The following RGPD3 variants were observed in gnomAD, a reference collection of about 807,000 sequenced individuals.
RGPD3 encodes the protein ranBP2-like and GRIP domain-containing protein 3.
RGPD3 carries 62 observed loss-of-function variants against 154.5 expected under a neutral mutation model. That is an observed-to-expected ratio of 0.40 (90% confidence interval 0.33 to 0.50). The LOEUF (loss-of-function observed/expected upper bound fraction) is 0.50. Ranked by LOEUF, RGPD3 falls within the 20% of genes least tolerant of loss-of-function variation. RGPD3 has a pLI of 0.59. For synonymous variants in RGPD3, 308 were observed against 607.0 expected (o/e 0.51, Z 7.24); for missense variants, 919 against 1,716.8 (o/e 0.54, Z 8.21).
chr2:106,470,827 T>C (rs1678794818), upstream of RGPD3: 1 of 1,604,574 alleles, frequency 6.2e-7, no homozygotes, highest in South Asian at 1.1e-5. Context: ...AGGAGTTTAC[T>C]AAGAGGCTTT....
At chr2:106,451,874 A>G (rs1678134396) in intron 6 of RGPD3, among the ~76,000 whole-genome samples, 2 of 151,818 alleles carry the variant, frequency 1.3e-5, no homozygotes, top group Non-Finnish European at 2.9e-5. Context: ...ACTCAAGATT[A>G]TACTATTATA....
chr2:106,460,270 C>A (rs1420906869), intron 1 of RGPD3, among the ~76,000 whole-genome samples: 3 of 148,492 alleles, frequency 2.0e-5, no homozygotes, highest in African/African-American at 5.0e-5. Context: ...ACTTAACAAA[C>A]AAAAGAAACC....
At position 106,413,164 on chromosome 2, in the gene RGPD3, C is replaced by T. The variant is rs1676725229; in HGVS notation, c.5186G>A (p.Arg1729Lys). 1 of 1,611,842 alleles carries T rather than the reference C, an allele frequency of 6.2e-7. No individual in the cohort carries two copies. Among genetic ancestry groups the T allele is most frequent in the East Asian group, 2.2e-5 (1 of 44,860 alleles). ...ATTTATAACAGGAAGAAGTCTCTCTCTTTCACTACCTGGCTTCAAGAAAAT... is the reference window on the plus strand; with the variant it reads ...ATTTATAACAGGAAGAAGTCTCTCTTTTTCACTACCTGGCTTCAAGAAAAT... ...QFIFLKPGSE[R>K]ERLLPVINTM... The change falls in exon 22 of 23, where the codon AGA becomes AAA. Residue 1729 changes from arginine (R) to lysine (K), a missense_variant. Coordinates refer to ENST00000409886, the MANE Select transcript of RGPD3 (RefSeq NM_001144013.2).
intron 18 of RGPD3, among the ~76,000 whole-genome samples, chr2:106,428,731 C>T (rs1179546439): frequency 1.3e-5 from 2 of 151,302 alleles, no homozygotes; most frequent in Admixed American, 6.6e-5. Context: ...TTTCAGAAGT[C>T]TGTCGTACAT....
chr2:106,443,013 C>T (rs1677801241), intron 7 of RGPD3, among the ~76,000 whole-genome samples: 2 of 151,054 alleles, frequency 1.3e-5, no homozygotes, highest in African/African-American at 4.9e-5. Context: ...AATGTCCTGG[C>T]TTTAGGACCC....
chr2:106,412,324 T>G, intron 22 of RGPD3, among the ~76,000 whole-genome samples: 1 of 113,440 alleles, frequency 8.8e-6, no homozygotes. Flanking sequence ...TTTTTTTTTT[T>G]TTTTTTTGAG....
At chr2:106,451,895 AT>A (rs1456567502) in intron 6 of RGPD3, among the ~76,000 whole-genome samples, 1 of 151,246 alleles carries the variant, frequency 6.6e-6, no homozygotes, top group Non-Finnish European at 1.5e-5. Flanking sequence ...AAAAAATAAA[AT>A]ATGAAATAGC....
rs778501837 is a variant in RGPD3, at chr2:106,415,831, C to T, written c.5064+19G>A. 8 of 1,611,488 alleles carry T rather than the reference C, an allele frequency of 5.0e-6. No homozygotes were observed. The highest frequency in any genetic ancestry group is 6.8e-6 in the Non-Finnish European group (8 of 1,179,812). On this transcript the variant is annotated intron_variant, in intron 21 of 22. Coordinates refer to ENST00000409886, the MANE Select transcript of RGPD3 (RefSeq NM_001144013.2). ...ACCAAACTGGCAGTTTTTATGGTGG[C>T]CAGGTTTTCTGATCTCACCTTAATT...
intron 1 of RGPD3, among the ~76,000 whole-genome samples, chr2:106,466,040 G>C (rs1018071410): frequency 1.3e-5 from 2 of 151,790 alleles, no homozygotes; most frequent in South Asian, 2.1e-4. Context: ...ATGTCCAGGA[G>C]ATGGGAAGAA....
intron 1 of RGPD3, among the ~76,000 whole-genome samples, chr2:106,467,092 C>T (rs1244812894): frequency 4.7e-4 from 52 of 111,742 alleles, no homozygotes; most frequent in African/African-American, 1.4e-3. Context: ...TCGAGGCCGC[C>T]GCAGGGCCAG....
chr2:106,448,391 T>C (rs1368778685), intron 6 of RGPD3, among the ~76,000 whole-genome samples: 4 of 152,080 alleles, frequency 2.6e-5, no homozygotes, highest in African/African-American at 4.8e-5. Flanking sequence ...ATTACAGGCA[T>C]GAGCCACTAT....
intron 1 of RGPD3, among the ~76,000 whole-genome samples, chr2:106,460,404 AAT>A (rs1678373505): frequency 6.6e-6 from 1 of 151,072 alleles, no homozygotes; most frequent in Non-Finnish European, 1.5e-5. Flanking sequence ...CCTGTGCCTC[AAT>A]AGTACATGTA....
In RGPD3 at chr2:106,441,449, C is replaced by T. The variant is rs897160936; in HGVS notation, c.979-69G>A. 4 of 879,280 alleles carry T rather than the reference C, an allele frequency of 4.5e-6. No individual in the cohort carries two copies. In the East Asian group the frequency reaches 8.0e-5, roughly 18 times the overall value. The allele number at this position is 879,280 out of a possible 1,614,324, so 54.5% of individuals were successfully genotyped here. On this transcript the variant is annotated intron_variant, in intron 7 of 22. Transcript: ENST00000409886. ...ACTTCTAATAGTAACATGGTCTTAT[C>T]TATTACACTGTACTTTTTTTGATAA...
intron 17 of RGPD3, among the ~76,000 whole-genome samples, chr2:106,430,040 C>T (rs115227009): frequency 0.17 from 25,418 of 150,748 alleles, 1,818 homozygotes; most frequent in South Asian, 0.23. Context: ...TCAGCCAGCA[C>T]GCCCGGCTAA....
intron 1 of RGPD3, among the ~76,000 whole-genome samples, chr2:106,460,840 TAAAAAAAAAAAAAAA>T (rs1159855256): frequency 1.7e-5 from 1 of 60,450 alleles, no homozygotes; most frequent in Non-Finnish European, 2.8e-5. Flanking sequence ...TTCCATCTCA[TAAAAAAAAAAAAAAA>T]AAAAAAAAAA....
At chr2:106,410,809 A>G (rs1244586659) in intron 22 of RGPD3, among the ~76,000 whole-genome samples, 2 of 152,040 alleles carry the variant, frequency 1.3e-5, no homozygotes, top group Non-Finnish European at 2.9e-5. Flanking sequence ...TGTAATCTGA[A>G]TAACTACTAA....
chr2:106,407,106 G>T (rs1287362399), intron 22 of RGPD3, among the ~76,000 whole-genome samples: 1 of 145,948 alleles, frequency 6.9e-6, no homozygotes, highest in Admixed American at 6.9e-5. Context: ...CTGGACTGGA[G>T]AAGAATCTAC....
At chr2:106,457,267 C>A in intron 3 of RGPD3, 144 bp from the exon 4 acceptor site, 1 of 1,414,696 alleles carries the variant, frequency 7.1e-7, no homozygotes, top group Non-Finnish European at 9.4e-7. Context: ...AAACATATTA[C>A]TTCAAAGGTG....
chr2:106,412,597 C>T (rs140040262), intron 22 of RGPD3, among the ~76,000 whole-genome samples: 8,627 of 151,748 alleles, frequency 0.057, 352 homozygotes, highest in Non-Finnish European at 0.084. Flanking sequence ...TGTGAACCAC[C>T]GGCGCCTGGC....
Sources: gnomAD v4.1 joint callset for allele counts (sites outside exome capture counted in the v4.1 genomes callset) on GRCh38, gnomAD v4.1.1 for gene constraint, MANE v1.5 for transcripts, NCBI Gene and HGNC (gene_info 2026-07-23, HGNC 2026-07-21) for gene names.